The following COL9A1 variants were observed in gnomAD, a reference collection of about 807,000 sequenced individuals.
COL9A1 encodes collagen alpha-1(IX) chain.
A neutral mutation model predicts 142.6 loss-of-function variants in COL9A1; 104 were observed. That is an observed-to-expected ratio of 0.73 (90% CI 0.62 to 0.86). The LOEUF (loss-of-function observed/expected upper bound fraction) is 0.86. Among genes scored for constraint, COL9A1 ranks in the 40% least tolerant of loss-of-function variants. The probability of loss-of-function intolerance (pLI) is 0.00; values close to 1 mark genes in which losing one functional copy is unlikely to be tolerated. For synonymous variants in COL9A1, 466 were observed against 396.0 expected (o/e 1.18, Z -2.10); for missense variants, 1,210 against 1,176.6 (o/e 1.03, Z -0.42).
intron 18 of COL9A1, 59 bp downstream of exon 18, chr6:70,266,658 A>G (rs1772036830): frequency 4.6e-6 from 6 of 1,296,882 alleles, no homozygotes; most frequent in Non-Finnish European, 2.2e-6. Context: ...ATTTCTTATA[A>G]TGAAAGTGAC....
Position 70,240,679 on chromosome 6 carries a change from A to G in COL9A1, c.2079+10T>C. 1 of 1,611,180 alleles carries G rather than the reference A, an allele frequency of 6.2e-7. No individual in the cohort carries two copies. The highest frequency in any genetic ancestry group is 1.1e-5 in the South Asian group (1 of 90,922). On this transcript the variant is annotated intron_variant, in intron 32 of 37. Coordinates refer to ENST00000357250, the MANE Select transcript of COL9A1 (RefSeq NM_001851.6). ...AAGCTTCATCATTAACCAGAAAAAA[A>G]AAATCTTACAAGTTCCCCCCTTTCT...
chr6:70,240,594 T>TATATATATAC (rs10587444), intron 32 of COL9A1, 95 bp downstream of exon 32: 6 of 643,508 alleles, frequency 9.3e-6, no homozygotes, highest in South Asian at 2.2e-5. Context: ...TATATATATA[T>TATATATATAC]ACCAATTTTG....
intron 10 of COL9A1, chr6:70,280,321 C>G: frequency 8.3e-7 from 1 of 1,204,404 alleles, no homozygotes; most frequent in Non-Finnish European, 1.0e-6. Context: ...TTTTCACATT[C>G]CTTGGGATTT....
chr6:70,244,345 TG>T (rs1379355438), intron 28 of COL9A1, among the ~76,000 whole-genome samples: 1 of 152,212 alleles, frequency 6.6e-6, no homozygotes, highest in Non-Finnish European at 1.5e-5. Flanking sequence ...TGAGTCTAGA[TG>T]AAAACCAGCC....
chr6:70,224,276 GC>G, intron 37 of COL9A1, among the ~76,000 whole-genome samples: 1 of 152,262 alleles, frequency 6.6e-6, no homozygotes, highest in South Asian at 2.1e-4. Flanking sequence ...CTGACTGTGT[GC>G]CCCGTTTGCG....
At chr6:70,263,780 C>CT (rs1771844216) in intron 18 of COL9A1, among the ~76,000 whole-genome samples, 1 of 151,488 alleles carries the variant, frequency 6.6e-6, no homozygotes, top group Non-Finnish European at 1.5e-5. Flanking sequence ...ATTTTTGCAC[C>CT]ATATACAATA....
chr6:70,256,749 T>C lies in COL9A1; in HGVS notation c.1503+19A>G. Reference sequence around the variant, plus strand: ...AAAAAAAATCTATCATTGGGTTTTGTGGAAGGAAAATCACTTACAGGTGCA... The same window carrying C: ...AAAAAAAATCTATCATTGGGTTTTGCGGAAGGAAAATCACTTACAGGTGCA... On this transcript the variant is annotated intron_variant, in intron 21 of 37. Transcript: ENST00000357250. 6.2e-7 allele frequency: 1 copy of C among 1,610,350 alleles called. No homozygotes were observed. Among genetic ancestry groups the C allele is most frequent in the Non-Finnish European group, 8.5e-7 (1 of 1,178,712 alleles).
intron 3 of COL9A1, 23 bp from the exon 4 acceptor site, chr6:70,300,198 G>T: frequency 6.2e-7 from 1 of 1,613,124 alleles, no homozygotes; most frequent in Non-Finnish European, 8.5e-7. Flanking sequence ...AATACAAAAT[G>T]AAAAGTCTAA....
chr6:70,297,402 A>G (rs567211836), intron 4 of COL9A1, among the ~76,000 whole-genome samples: 3 of 152,234 alleles, frequency 2.0e-5, no homozygotes, highest in African/African-American at 7.2e-5. Flanking sequence ...AAACTAGGCT[A>G]GTATAGTAGT....
In COL9A1 at chr6:70,281,417, AG is replaced by A. The variant is rs941174282; in HGVS notation, c.848del (p.Pro283LeufsTer45). On this transcript the variant is annotated frameshift_variant, in exon 8 of 38. Coordinates refer to ENST00000357250, the MANE Select transcript of COL9A1 (RefSeq NM_001851.6). LOFTEE classifies it high-confidence loss of function. ...EQGPPGPPGPPGVPGIDGIDG... is the reference protein window; with the variant it reads ...EQGPPGPPGPXGVPGIDGIDG... ...CGATGCCATCGATGCCTGGAACTCC[AG>A]GGGGGCCCGGAGGCCCGGGAGGACC... 9 of 1,611,786 alleles carry A rather than the reference AG, an allele frequency of 5.6e-6. No homozygotes were observed. Among genetic ancestry groups the A allele is most frequent in the African/African-American group, 5.4e-5 (4 of 74,436 alleles).
At chr6:70,218,329 G>A (rs548062553) in intron 37 of COL9A1, among the ~76,000 whole-genome samples, 14 of 152,304 alleles carry the variant, frequency 9.2e-5, no homozygotes, top group Admixed American at 7.8e-4. Context: ...TTCTCTGGGG[G>A]ACATTTCTTG....
intron 32 of COL9A1, 107 bp downstream of exon 32, chr6:70,240,581 AT>A (rs1770185269): frequency 5.5e-6 from 2 of 365,032 alleles, no homozygotes; most frequent in Non-Finnish European, 9.2e-6. Context: ...AAATAAGAAT[AT>A]ATATATATAT....
At chr6:70,288,980 T>C (rs952713036) in intron 5 of COL9A1, among the ~76,000 whole-genome samples, 4 of 152,180 alleles carry the variant, frequency 2.6e-5, no homozygotes, top group Non-Finnish European at 5.9e-5. Context: ...TGTTTAATAG[T>C]TACTGAATAT....
At chr6:70,283,901 T>G in intron 5 of COL9A1, 81 bp from the exon 6 acceptor site, 1 of 976,854 alleles carries the variant, frequency 1.0e-6, no homozygotes, top group Non-Finnish European at 1.6e-6. Flanking sequence ...GAGTTGCGTC[T>G]AATTGTTAAA....
At chr6:70,241,147 C>G (rs1770230852) in intron 31 of COL9A1, among the ~76,000 whole-genome samples, 2 of 152,126 alleles carry the variant, frequency 1.3e-5, no homozygotes, top group South Asian at 4.1e-4. Context: ...TATGAATAAA[C>G]CAATTCCGTG....
At chr6:70,274,796 T>C in intron 10 of COL9A1, 24 bp from the exon 11 acceptor site, 1 of 1,599,310 alleles carries the variant, frequency 6.3e-7, no homozygotes, top group Non-Finnish European at 8.6e-7. Flanking sequence ...ACAATGATGT[T>C]AGAACTATCA....
At chr6:70,249,047 T>C (rs1770770488) in intron 28 of COL9A1, among the ~76,000 whole-genome samples, 1 of 151,992 alleles carries the variant, frequency 6.6e-6, no homozygotes, top group Admixed American at 6.6e-5. Flanking sequence ...GGAGAGTATT[T>C]GAGAATTAGC....
intron 34 of COL9A1, 55 bp from the exon 35 acceptor site, chr6:70,234,648 T>C: frequency 5.6e-6 from 9 of 1,610,938 alleles, no homozygotes; most frequent in Non-Finnish European, 6.8e-6. Context: ...AAGAGAACAT[T>C]GTTAAGTTGT....
At chr6:70,237,515 T>C (rs1224010772) in intron 33 of COL9A1, among the ~76,000 whole-genome samples, 2 of 152,222 alleles carry the variant, frequency 1.3e-5, no homozygotes, top group Admixed American at 6.5e-5. Flanking sequence ...AAGACACTTG[T>C]GGGGAAGGAG....
Sources: allele counts gnomAD v4.1 joint callset (sites outside exome capture counted in the v4.1 genomes callset), GRCh38; gene constraint gnomAD v4.1.1; transcripts MANE v1.5; gene names NCBI Gene and HGNC (gene_info 2026-07-23, HGNC 2026-07-21).